MEIOB: variants seen among roughly 807,000 people sequenced by gnomAD.
The protein encoded by MEIOB is meiosis specific with OB-fold, also known as meiosis-specific with OB domain-containing protein.
MEIOB carries 50 observed loss-of-function variants against 53.1 expected under a neutral mutation model. That is an observed-to-expected ratio of 0.94 (90% confidence interval 0.75 to 1.19). MEIOB has a LOEUF of 1.19. MEIOB is among the 50% of genes most tolerant of loss of function. The pLI, the probability that MEIOB is intolerant of heterozygous loss-of-function variation, is 0.00. For missense variants in MEIOB, 551 were observed against 550.8 expected, an observed-to-expected ratio of 1.00 and a Z score of 0.00; for synonymous variants, 192 against 182.5, an observed-to-expected ratio of 1.05 and a Z score of -0.42.
chr16:1,839,399 C>T lies in MEIOB; in HGVS notation c.1074G>A (p.Met358Ile). 1 of 1,613,680 alleles carries T rather than the reference C, an allele frequency of 6.2e-7. No individual in the cohort carries two copies. The highest frequency in any genetic ancestry group is 8.5e-7 in the Non-Finnish European group (1 of 1,179,862). The stretch of plus-strand genomic sequence containing the variant: ...AGGAGTTTTTGTTGCAAGTTGTGCA[C>T]ATGTTAGATGCTTCATTTACAATAT... ...CGYIVNEASN[M>I]CTTCNKNSLD... The change falls in exon 12 of 14, where the codon ATG becomes ATA. Residue 358 changes from methionine (M) to isoleucine (I), a missense_variant. Physicochemically the swap from Met to Ile is conservative, Grantham distance 10. Coordinates refer to ENST00000325962, the MANE Select transcript of MEIOB (RefSeq NM_001163560.3).
intron 12 of MEIOB, 139 bp downstream of exon 12, chr16:1,839,116 A>T: frequency 1.0e-6 from 1 of 995,264 alleles, no homozygotes; most frequent in South Asian, 1.9e-5. Flanking sequence ...ATGTGTGTTT[A>T]AAGCAAGATG....
intron 10 of MEIOB, among the ~76,000 whole-genome samples, chr16:1,842,686 C>T (rs1287080032): frequency 7.0e-6 from 1 of 142,280 alleles, no homozygotes; most frequent in Non-Finnish European, 1.5e-5. Flanking sequence ...TTTTTTGAGA[C>T]AGAGTCTCAC....
At chr16:1,850,621 A>G (rs1383480217) in intron 9 of MEIOB, among the ~76,000 whole-genome samples, 1 of 150,934 alleles carries the variant, frequency 6.6e-6, no homozygotes, top group Non-Finnish European at 1.5e-5. Context: ...AGTTATTTCT[A>G]ATAATAAACC....
At chr16:1,851,679 C>A (rs1899176471) in intron 9 of MEIOB, among the ~76,000 whole-genome samples, 1 of 152,156 alleles carries the variant, frequency 6.6e-6, no homozygotes, top group African/African-American at 2.4e-5. Context: ...ATATAAAAAC[C>A]AGAGTCTCAG....
intron 10 of MEIOB, among the ~76,000 whole-genome samples, chr16:1,842,622 T>TAAAAAAAAAAAAA (rs1567273734): frequency 5.7e-5 from 3 of 52,890 alleles, no homozygotes; most frequent in African/African-American, 2.8e-4. Context: ...AAACTCCATC[T>TAAAAAAAAAAAAA]CAAAAAGACA....
intron 12 of MEIOB, 110 bp from the exon 13 acceptor site, chr16:1,837,980 A>G (rs1296301533): frequency 6.9e-7 from 1 of 1,442,320 alleles, no homozygotes; most frequent in African/African-American, 1.4e-5. Context: ...TTTTATTTGC[A>G]GTAATTACAG....
intron 5 of MEIOB, among the ~76,000 whole-genome samples, chr16:1,859,964 G>T (rs573103008): frequency 6.6e-6 from 1 of 152,264 alleles, no homozygotes; most frequent in African/African-American, 2.4e-5. Context: ...GCTGCTTCCT[G>T]GTCTATCCTC....
rs1344604660 is a variant in MEIOB, at chr16:1,834,083, G to C, written c.*173C>G. The stretch of plus-strand genomic sequence containing the variant: ...GGAGGCCTTCTAAGAAGGGAGGTCA[G>C]ATGAGAGAGGCCTTCAGACTCACCC... On this transcript the variant is annotated 3_prime_UTR_variant, in exon 14 of 14. Coordinates refer to ENST00000325962, the MANE Select transcript of MEIOB (RefSeq NM_001163560.3). 1 of 509,376 alleles carries C rather than the reference G, an allele frequency of 2.0e-6. No homozygotes were observed. The highest frequency in any genetic ancestry group is 3.5e-6 in the Non-Finnish European group (1 of 288,626). The allele number at this position is 509,376 out of a possible 1,614,324, so 31.6% of individuals were successfully genotyped here.
At chr16:1,838,854 G>A (rs1156306721) in intron 12 of MEIOB, among the ~76,000 whole-genome samples, 2 of 152,052 alleles carry the variant, frequency 1.3e-5, no homozygotes, top group Non-Finnish European at 2.9e-5. Context: ...ACCACACCCA[G>A]CTAATTTTTG....
At chr16:1,844,372 C>T (rs1479035973) in intron 10 of MEIOB, among the ~76,000 whole-genome samples, 1 of 151,004 alleles carries the variant, frequency 6.6e-6, no homozygotes, top group African/African-American at 2.4e-5. Flanking sequence ...GATCCCTCCA[C>T]CTTGGTTTCC....
chr16:1,848,952 G>A (rs1248793204), intron 9 of MEIOB, among the ~76,000 whole-genome samples: 3 of 152,148 alleles, frequency 2.0e-5, no homozygotes, highest in African/African-American at 7.2e-5. Flanking sequence ...CTTCTCAGGG[G>A]AGAGGGTCAT....
At chr16:1,870,452 G>C (rs949694052) in intron 1 of MEIOB, among the ~76,000 whole-genome samples, 3 of 152,184 alleles carry the variant, frequency 2.0e-5, no homozygotes, top group African/African-American at 7.2e-5. Flanking sequence ...CGTGTCTCAT[G>C]ACACCTGAAT....
chr16:1,840,531 G>A (rs1359130404), intron 11 of MEIOB, among the ~76,000 whole-genome samples: 1 of 135,106 alleles, frequency 7.4e-6, no homozygotes, highest in Non-Finnish European at 1.5e-5. Context: ...AGCCACAAGG[G>A]ATCTCTCTTA....
chr16:1,853,778 A>T (rs1315878726), intron 7 of MEIOB, among the ~76,000 whole-genome samples: 4 of 152,152 alleles, frequency 2.6e-5, no homozygotes, highest in African/African-American at 9.7e-5. Flanking sequence ...CTGCTCCAGG[A>T]TACTTCCCAG....
At chr16:1,841,183 ATTT>A (rs199575059) in intron 11 of MEIOB, 1 of 151,282 alleles carries the variant, frequency 6.6e-6, no homozygotes, top group Admixed American at 6.6e-5. Flanking sequence ...CACCCAGCTA[ATTT>A]TTTGTATTTT....
intron 5 of MEIOB, among the ~76,000 whole-genome samples, chr16:1,859,368 C>G (rs1596980486): frequency 6.6e-6 from 1 of 151,958 alleles, no homozygotes; most frequent in Admixed American, 6.6e-5. Flanking sequence ...ATAGCAAAAC[C>G]CCGCCTCTAC....
At chr16:1,858,001 T>C (rs1899352924) in intron 5 of MEIOB, 71 bp from the exon 6 acceptor site, 1 of 939,120 alleles carries the variant, frequency 1.1e-6, no homozygotes, top group Admixed American at 2.9e-5. Context: ...CAGGTCCACA[T>C]TTAAACTACA....
chr16:1,853,326 A>G, intron 7 of MEIOB, 55 bp from the exon 8 acceptor site: 1 of 1,300,524 alleles, frequency 7.7e-7, no homozygotes, highest in East Asian at 2.5e-5. Context: ...AAAAACTGAT[A>G]GTGACATATT....
chr16:1,869,788 T>A (rs895594953), intron 1 of MEIOB, among the ~76,000 whole-genome samples: 1 of 151,762 alleles, frequency 6.6e-6, no homozygotes, highest in African/African-American at 2.4e-5. Context: ...TATATTAGCA[T>A]CAAGCTTACC....
Sources: gnomAD v4.1 joint callset for allele counts (sites outside exome capture counted in the v4.1 genomes callset) on GRCh38, gnomAD v4.1.1 for gene constraint, MANE v1.5 for transcripts, NCBI Gene and HGNC (gene_info 2026-07-23, HGNC 2026-07-21) for gene names.